BRD4: variants seen among roughly 807,000 people sequenced by gnomAD.
BRD4 encodes bromodomain containing 4.
Under a neutral mutation model 142.1 loss-of-function variants are expected in BRD4, and 16 were observed. The ratio of observed to expected loss-of-function variants is 0.11; its 90% CI spans 0.08 to 0.17. The LOEUF is 0.17. Among genes scored for constraint, BRD4 ranks in the 10% least tolerant of loss-of-function variants. The probability of loss-of-function intolerance (pLI) is 1.00; values close to 1 mark genes in which losing one functional copy is unlikely to be tolerated. For synonymous variants in BRD4, 833 were observed against 707.5 expected (o/e 1.18, Z -2.82); for missense variants, 1,424 against 1,810.9 (o/e 0.79, Z 3.88).
chr19:15,298,590 C>A lies in BRD4; in HGVS notation c.-34-25457G>T, dbSNP rs2047842204. Among the ~76,000 whole-genome samples the A allele has an allele frequency of 3.4e-5, 4 of 115,960 alleles. No homozygotes were observed. In the South Asian group the frequency reaches 1.2e-3, roughly 34 times the overall value. The allele number at this position is 115,960 out of a possible 152,430, so 76.1% of individuals were successfully genotyped here. A position where few individuals can be genotyped will look rare whatever the true frequency, so the allele number is the denominator to read the frequency against. On this transcript the variant is annotated intron_variant, in intron 1 of 19. Transcript: ENST00000679869. Reference sequence around the variant, plus strand: ...GAGCAGAGATTGCATCACTGCACTCCAGCCTGGGCAACAGGGCGAGACTCC... The same window carrying A: ...GAGCAGAGATTGCATCACTGCACTCAAGCCTGGGCAACAGGGCGAGACTCC...
rs190816465 is a variant in BRD4 at position 15,257,918 on chromosome 19, C to T, written c.1342-745G>A. On this transcript the variant is annotated intron_variant, in intron 7 of 19. Coordinates refer to ENST00000679869, the MANE Select transcript of BRD4 (RefSeq NM_001379291.1). ...AAGATCCAGCAATCAGATGGAACCA[C>T]GTGGGGTCATGGAGCTCAGGGAACA... Among the ~76,000 whole-genome samples the T allele has an allele frequency of 7.9e-4, 120 of 152,266 alleles. 1 individual carries two copies. The highest frequency in any genetic ancestry group is 1.4e-3 in the Non-Finnish European group (94 of 68,028).
At chr19:15,276,581 G>T (rs1436789760) in intron 1 of BRD4, among the ~76,000 whole-genome samples, 2 of 152,108 alleles carry the variant, frequency 1.3e-5, no homozygotes, top group Non-Finnish European at 2.9e-5. Flanking sequence ...AGCCCCCTAG[G>T]AACCTGAAGG....
intron 1 of BRD4, among the ~76,000 whole-genome samples, chr19:15,321,723 T>C (rs1045829669): frequency 3.9e-5 from 6 of 152,176 alleles, no homozygotes; most frequent in African/African-American, 1.4e-4. Context: ...TTCCTCACAG[T>C]CATCTGAATA....
rs1441942625 is a variant in BRD4 at position 15,323,175 on chromosome 19, C to CT, written c.-35+9114dup. ...TGAGCAACACAGCAAGACTCCATCT[C>CT]TTTAAAAAAAAAAAAAAAAAAAAAA... On this transcript the variant is annotated intron_variant, in intron 1 of 19. Transcript: ENST00000679869. 2.0e-3 allele frequency among the ~76,000 whole-genome samples: 112 copies of CT among 55,724 alleles called. 1 individual carries two copies. Among genetic ancestry groups the CT allele is most frequent in the African/African-American group, 0.014 (109 of 7,694 alleles). The allele number at this position is 55,724 out of a possible 152,430, so 36.6% of individuals were successfully genotyped here.
chr19:15,271,919 T>C (rs554502608), intron 2 of BRD4, among the ~76,000 whole-genome samples: 6 of 149,910 alleles, frequency 4.0e-5, no homozygotes, highest in African/African-American at 1.5e-4. Context: ...TACACACCAG[T>C]GGCTCTGGTG....
chr19:15,241,962 G>C (rs1284160186), intron 14 of BRD4, among the ~76,000 whole-genome samples: 2 of 152,092 alleles, frequency 1.3e-5, no homozygotes, highest in East Asian at 3.9e-4. Context: ...ACAGGTGCCT[G>C]CCACCATGCC....
chr19:15,289,118 GCT>G (rs1440405701), intron 1 of BRD4, among the ~76,000 whole-genome samples: 1 of 152,144 alleles, frequency 6.6e-6, no homozygotes, highest in Non-Finnish European at 1.5e-5. Flanking sequence ...AGGCCCCATA[GCT>G]CTGTTTTCTG....
intron 1 of BRD4, among the ~76,000 whole-genome samples, chr19:15,325,871 G>A (rs2048103053): frequency 6.6e-6 from 1 of 151,644 alleles, no homozygotes; most frequent in African/African-American, 2.4e-5. Flanking sequence ...GGTGGTGCAT[G>A]CCTGTAATCC....
chr19:15,292,112 T>C (rs1202742225), intron 1 of BRD4, among the ~76,000 whole-genome samples: 1 of 152,236 alleles, frequency 6.6e-6, no homozygotes, highest in Non-Finnish European at 1.5e-5. Context: ...TTTTTCATTT[T>C]ACAAATATGT....
At chr19:15,308,782 G>A (rs920985583) in intron 1 of BRD4, among the ~76,000 whole-genome samples, 1 of 151,868 alleles carries the variant, frequency 6.6e-6, no homozygotes. Flanking sequence ...TTGGGAGGCC[G>A]AGGCGGGAGG....
chr19:15,280,949 C>T (rs990031714), intron 1 of BRD4, among the ~76,000 whole-genome samples: 1 of 152,240 alleles, frequency 6.6e-6, no homozygotes, highest in Admixed American at 6.5e-5. Context: ...ATGCTGATTA[C>T]ACAACATCAA....
chr19:15,295,427 T>C (rs2047815112), intron 1 of BRD4, among the ~76,000 whole-genome samples: 2 of 152,336 alleles, frequency 1.3e-5, no homozygotes, highest in Admixed American at 6.5e-5. Context: ...TTTCCGTGTG[T>C]CCTCCATTTT....
intron 11 of BRD4, chr19:15,246,394 T>C (rs898889069): frequency 1.3e-5 from 2 of 152,162 alleles, no homozygotes; most frequent in Non-Finnish European, 2.9e-5. Flanking sequence ...AAGGAGGTGA[T>C]GGAGCCGCGC....
At chr19:15,318,201 G>A (rs779797445) in intron 1 of BRD4, among the ~76,000 whole-genome samples, 1 of 151,986 alleles carries the variant, frequency 6.6e-6, no homozygotes, top group Non-Finnish European at 1.5e-5. Flanking sequence ...AGAGAAATGG[G>A]ATTAATAAAA....
intron 1 of BRD4, among the ~76,000 whole-genome samples, chr19:15,312,627 C>T (rs1183985392): frequency 2.6e-5 from 4 of 151,504 alleles, no homozygotes; most frequent in Non-Finnish European, 2.9e-5. Context: ...AGTGAAAATC[C>T]GTCAAATCAA....
At chr19:15,295,281 C>T (rs966837424) in intron 1 of BRD4, among the ~76,000 whole-genome samples, 4 of 152,222 alleles carry the variant, frequency 2.6e-5, no homozygotes, top group South Asian at 4.1e-4. Flanking sequence ...ATCTCTCTCA[C>T]GGATGCACTT....
chr19:15,298,805 T>C (rs533304970), intron 1 of BRD4, among the ~76,000 whole-genome samples: 1 of 152,090 alleles, frequency 6.6e-6, no homozygotes, highest in African/African-American at 2.4e-5. Flanking sequence ...ACAGAAAGAA[T>C]GCCCAATCAT....
chr19:15,315,664 G>A (rs1411510848), intron 1 of BRD4, among the ~76,000 whole-genome samples: 1 of 152,130 alleles, frequency 6.6e-6, no homozygotes, highest in Admixed American at 6.6e-5. Context: ...AGACCAGTCT[G>A]AAAATATAGT....
chr19:15,300,544 G>T (rs921155645), intron 1 of BRD4, among the ~76,000 whole-genome samples: 1 of 151,880 alleles, frequency 6.6e-6, no homozygotes, highest in Non-Finnish European at 1.5e-5. Context: ...GATAGTGGGA[G>T]ACTCCATCTT....
Sources: allele counts gnomAD v4.1 joint callset (sites outside exome capture counted in the v4.1 genomes callset), GRCh38; gene constraint gnomAD v4.1.1; transcripts MANE v1.5; gene names NCBI Gene and HGNC (gene_info 2026-07-23, HGNC 2026-07-21).